Variants in CTNNA3 observed in about 807,000 individuals in gnomAD.
The protein encoded by CTNNA3 is catenin alpha-3.
CTNNA3 carries 76 observed loss-of-function variants against 95.7 expected under a neutral mutation model. The ratio of observed to expected loss-of-function variants is 0.79; its 90% confidence interval spans 0.66 to 0.96. The LOEUF is 0.96. CTNNA3 is among the 40% of genes least tolerant of loss of function. The probability of loss-of-function intolerance (pLI) is 0.00; values close to 1 mark genes in which losing one functional copy is unlikely to be tolerated. For synonymous variants in CTNNA3, 431 were observed against 374.4 expected (o/e 1.15, Z -1.74); for missense variants, 1,191 against 1,089.8 (o/e 1.09, Z -1.31).
chr10:65,963,575 T>A (rs2077898121), intron 17 of CTNNA3, among the ~76,000 whole-genome samples: 1 of 152,222 alleles, frequency 6.6e-6, no homozygotes, highest in African/African-American at 2.4e-5. Flanking sequence ...TTTATTACAG[T>A]GTTCTGGAAT....
intron 12 of CTNNA3, among the ~76,000 whole-genome samples, chr10:66,327,381 T>C (rs2092267174): frequency 6.6e-6 from 1 of 152,042 alleles, no homozygotes; most frequent in Non-Finnish European, 1.5e-5. Flanking sequence ...TTTACTTTCT[T>C]TTCTTATTCT....
chr10:66,968,824 C>A (rs1849571880), intron 7 of CTNNA3, among the ~76,000 whole-genome samples: 1 of 152,018 alleles, frequency 6.6e-6, no homozygotes, highest in South Asian at 2.1e-4. Context: ...TAAGACGAGC[C>A]TGGCCAACAT....
At chr10:66,915,206 AG>A (rs1846427349) in intron 7 of CTNNA3, among the ~76,000 whole-genome samples, 1 of 151,774 alleles carries the variant, frequency 6.6e-6, no homozygotes, top group Admixed American at 6.6e-5. Flanking sequence ...AAAAAAAAAA[AG>A]CACGAACCAA....
chr10:67,606,914 C>G lies in CTNNA3; in HGVS notation c.235G>C (p.Glu79Gln). ...LLDKGEKIAQ[E>Q]ATVLKDELTA... ...AGCTCATCCTTTAAAACTGTAGCTT[C>G]CTGGGCAATCTTCTCTCCCTTGTCT... Residue 79 changes from glutamate (E) to glutamine (Q), a missense_variant, in exon 3 of 18, where the codon GAA becomes CAA. Transcript: ENST00000433211. 6.2e-7 allele frequency: 1 copy of G among 1,614,168 alleles called. No individual in the cohort carries two copies. The highest frequency in any genetic ancestry group is 2.2e-5 in the East Asian group (1 of 44,886).
At chr10:67,124,145 A>C (rs1352750711) in intron 7 of CTNNA3, among the ~76,000 whole-genome samples, 1 of 152,226 alleles carries the variant, frequency 6.6e-6, no homozygotes, top group Non-Finnish European at 1.5e-5. Context: ...TGCTCCAAAA[A>C]TAAGAAATGA....
intron 9 of CTNNA3, among the ~76,000 whole-genome samples, chr10:66,752,858 A>G (rs1017907617): frequency 6.6e-6 from 1 of 151,666 alleles, no homozygotes; most frequent in Non-Finnish European, 1.5e-5. Context: ...ACACACACGC[A>G]CACACACACA....
At chr10:67,074,856 T>C (rs575249767) in intron 7 of CTNNA3, among the ~76,000 whole-genome samples, 239 of 152,350 alleles carry the variant, frequency 1.6e-3, no homozygotes, top group Middle Eastern at 3.4e-3. Context: ...AATTCATTTA[T>C]GTATGAAAAG....
chr10:66,399,336 ATT>A (rs1363337500), intron 11 of CTNNA3, among the ~76,000 whole-genome samples: 2 of 151,818 alleles, frequency 1.3e-5, no homozygotes, highest in Admixed American at 6.6e-5. Context: ...AATTTTCAAC[ATT>A]TTAAGAAAGA....
chr10:66,042,516 A>T (rs947508392), intron 15 of CTNNA3, among the ~76,000 whole-genome samples: 1 of 152,148 alleles, frequency 6.6e-6, no homozygotes, highest in African/African-American at 2.4e-5. Flanking sequence ...GGTTAAAATG[A>T]AGGGAAAGGA....
intron 1 of CTNNA3, among the ~76,000 whole-genome samples, chr10:67,727,651 TTA>T (rs969502512): frequency 3.1e-5 from 4 of 128,136 alleles, no homozygotes; most frequent in African/African-American, 8.7e-5. Context: ...TATTATTATA[TTA>T]TATATGATAT....
intron 15 of CTNNA3, among the ~76,000 whole-genome samples, chr10:66,033,105 C>T (rs2079481722): frequency 6.6e-6 from 1 of 151,260 alleles, no homozygotes; most frequent in African/African-American, 2.4e-5. Context: ...TGATTCAGCT[C>T]AGGCTGTAAT....
intron 5 of CTNNA3, among the ~76,000 whole-genome samples, chr10:67,352,173 G>A (rs1017219492): frequency 2.0e-5 from 3 of 151,912 alleles, no homozygotes; most frequent in Non-Finnish European, 4.4e-5. Context: ...GGGACAACCA[G>A]GGGAAAAAGT....
At chr10:67,657,080 G>A (rs1431836555) in intron 1 of CTNNA3, among the ~76,000 whole-genome samples, 1 of 152,178 alleles carries the variant, frequency 6.6e-6, no homozygotes, top group African/African-American at 2.4e-5. Context: ...GGTTCAGATT[G>A]TAGATATAGT....
At position 66,547,343 on chromosome 10, in the gene CTNNA3, C is replaced by CTTTTTTTTTTTTTTTTTTT. The variant is rs1246714246; in HGVS notation, c.1375-26571_1375-26570insAAAAAAAAAAAAAAAAAAA. Reference sequence around the variant, plus strand: ...ATTCTTGTTCCTTTGATTTTTCTTTCTTTCTTTTTTTTTTTTTTGAGATAG... The same window carrying CTTTTTTTTTTTTTTTTTTT: ...ATTCTTGTTCCTTTGATTTTTCTTTCTTTTTTTTTTTTTTTTTTTTTTCTTTTTTTTTTTTTTGAGATAG... On this transcript the variant is annotated intron_variant, in intron 10 of 17. Coordinates refer to ENST00000433211, the MANE Select transcript of CTNNA3 (RefSeq NM_013266.4). Among the ~76,000 whole-genome samples, 672 of 83,168 alleles carry CTTTTTTTTTTTTTTTTTTT rather than the reference C, an allele frequency of 8.1e-3. 253 individuals are homozygous for CTTTTTTTTTTTTTTTTTTT. The highest frequency in any genetic ancestry group is 0.075 in the East Asian group (172 of 2,302). 54.6% of individuals were successfully genotyped at this position (83,168 alleles called of 152,430 possible).
chr10:67,454,793 G>A (rs1162417952), intron 5 of CTNNA3, among the ~76,000 whole-genome samples: 4 of 152,002 alleles, frequency 2.6e-5, no homozygotes, highest in African/African-American at 4.8e-5. Context: ...AACTAACAGA[G>A]AACTATACTC....
At chr10:66,916,259 CTATT>C (rs1026156045) in intron 7 of CTNNA3, among the ~76,000 whole-genome samples, 1 of 152,142 alleles carries the variant, frequency 6.6e-6, no homozygotes, top group African/African-American at 2.4e-5. Flanking sequence ...GTCATATCGC[CTATT>C]TATTTAATAC....
At chr10:66,613,011 TAGA>T (rs773859665) in intron 10 of CTNNA3, among the ~76,000 whole-genome samples, 5 of 152,074 alleles carry the variant, frequency 3.3e-5, no homozygotes, top group Non-Finnish European at 7.4e-5. Flanking sequence ...CCTCCGTGAC[TAGA>T]AGAACATTGT....
chr10:67,238,039 T>C (rs1291892370), intron 5 of CTNNA3, among the ~76,000 whole-genome samples: 3 of 152,130 alleles, frequency 2.0e-5, no homozygotes, highest in African/African-American at 7.2e-5. Flanking sequence ...ATCTAGAGAA[T>C]TGTTTCAGCA....
rs756892457 is a variant in CTNNA3 at position 65,966,561 on chromosome 10, T to G, written c.2400+51A>C. On this transcript the variant is annotated intron_variant, in intron 17 of 17. Transcript: ENST00000433211. The stretch of plus-strand genomic sequence containing the variant: ...CATGTAAACAAGGGTGTAGTTACTC[T>G]GTTTCAAGCATCTTCCACCTGTGAT... 61 of 1,516,494 alleles carry G rather than the reference T, an allele frequency of 4.0e-5. No individual in the cohort carries two copies. The South Asian group carries it at 7.6e-4, about 19-fold the overall frequency. 93.9% of individuals were successfully genotyped at this position (1,516,494 alleles called of 1,614,324 possible). A position where few individuals can be genotyped will look rare whatever the true frequency, so the allele number is the denominator to read the frequency against.
Sources: allele counts gnomAD v4.1 joint callset (sites outside exome capture counted in the v4.1 genomes callset), GRCh38; gene constraint gnomAD v4.1.1; transcripts MANE v1.5; gene names NCBI Gene and HGNC (gene_info 2026-07-23, HGNC 2026-07-21).